The following ANK2 variants were observed in gnomAD, a reference collection of about 807,000 sequenced individuals.
ANK2 encodes ankyrin-2.
Under a neutral mutation model 360.5 loss-of-function variants are expected in ANK2, and 83 were observed. That is an observed-to-expected ratio of 0.23 (90% CI 0.19 to 0.28). The LOEUF is 0.28. Ranked by LOEUF, ANK2 falls within the 10% of genes least tolerant of loss-of-function variation. ANK2 has a pLI of 1.00. For synonymous variants in ANK2, 1,740 were observed against 1,759.5 expected (o/e 0.99, Z 0.28); for missense variants, 4,201 against 4,795.7 (o/e 0.88, Z 3.66).
chr4:112,823,947 A>G (rs1310963744), intron 1 of ANK2, among the ~76,000 whole-genome samples: 1 of 152,230 alleles, frequency 6.6e-6, no homozygotes, highest in Non-Finnish European at 1.5e-5. Flanking sequence ...GGTCCATGGA[A>G]GTTATAGATG....
In ANK2 at chr4:112,924,900, G is replaced by A. The variant is rs566531552; in HGVS notation, c.21+20386G>A. Among the ~76,000 whole-genome samples, 24 of 147,762 alleles carry A rather than the reference G, an allele frequency of 1.6e-4. No individual in the cohort carries two copies. In the South Asian group the frequency reaches 3.4e-3, roughly 21 times the overall value. On this transcript the variant is annotated intron_variant, in intron 2 of 30. Transcript: ENST00000503271. ...GTCGCCCAGGCTGGAGTGCAGTGGC[G>A]CGATCTCAGCTCATTGCAAGCTCCA...
intron 2 of ANK2, among the ~76,000 whole-genome samples, chr4:113,184,152 G>A (rs1312953351): frequency 6.6e-6 from 1 of 151,190 alleles, no homozygotes; most frequent in Admixed American, 6.6e-5. Flanking sequence ...GATATTTAGA[G>A]AACAGATTTA....
chr4:112,795,507 T>A, the ANK2 span, among the ~76,000 whole-genome samples: 1 of 87,004 alleles, frequency 1.1e-5, no homozygotes, highest in South Asian at 4.2e-4. Flanking sequence ...CTAGATTAAA[T>A]TTTTTTTATT....
chr4:113,118,539 A>G (rs536973270), intron 1 of ANK2, among the ~76,000 whole-genome samples: 2 of 152,304 alleles, frequency 1.3e-5, no homozygotes, highest in South Asian at 2.1e-4. Context: ...ATTTCAGTTT[A>G]CTACTTATCT....
At chr4:112,855,098 G>C (rs1162892721) in intron 1 of ANK2, among the ~76,000 whole-genome samples, 3 of 152,136 alleles carry the variant, frequency 2.0e-5, no homozygotes, top group Non-Finnish European at 4.4e-5. Context: ...ACTGTTAATA[G>C]GAGTATTTTT....
At chr4:113,303,526 A>G (rs925488558) in intron 23 of ANK2, among the ~76,000 whole-genome samples, 9 of 152,222 alleles carry the variant, frequency 5.9e-5, no homozygotes, top group Admixed American at 2.0e-4. Flanking sequence ...ACATTGGGCT[A>G]GAGCTGGAGA....
At chr4:113,075,133 G>C (rs867535771) in intron 1 of ANK2, among the ~76,000 whole-genome samples, 3 of 152,134 alleles carry the variant, frequency 2.0e-5, no homozygotes, top group Non-Finnish European at 2.9e-5. Context: ...ACACACTAAA[G>C]TCTGAGAAGC....
chr4:112,842,226 T>C (rs62317067), intron 1 of ANK2, among the ~76,000 whole-genome samples: 14,588 of 152,182 alleles, frequency 0.096, 891 homozygotes, highest in Middle Eastern at 0.14. Context: ...GCCAGTCTTG[T>C]CTCGAAATCC....
the ANK2 span, among the ~76,000 whole-genome samples, chr4:112,710,921 A>G: frequency 7.2e-6 from 1 of 138,866 alleles, no homozygotes; most frequent in African/African-American, 2.8e-5. Flanking sequence ...ATATATATAT[A>G]TATGTATATA....
chr4:112,863,775 G>T (rs1457159269), intron 1 of ANK2, among the ~76,000 whole-genome samples: 1 of 152,038 alleles, frequency 6.6e-6, no homozygotes, highest in African/African-American at 2.4e-5. Flanking sequence ...TCCCGCCTCG[G>T]CCTCCCAAAG....
chr4:113,096,343 T>C (rs763711072), intron 1 of ANK2, among the ~76,000 whole-genome samples: 9 of 152,164 alleles, frequency 5.9e-5, no homozygotes, highest in Non-Finnish European at 8.8e-5. Flanking sequence ...AAGATAGTAG[T>C]TCATTTCTCT....
chr4:112,898,757 T>A (rs1197575346), intron 1 of ANK2, among the ~76,000 whole-genome samples: 8 of 152,170 alleles, frequency 5.3e-5, no homozygotes. Context: ...CTAATGAACA[T>A]AGACGTAAAT....
the ANK2 span, among the ~76,000 whole-genome samples, chr4:112,710,602 G>A: frequency 1.5e-4 from 23 of 151,802 alleles, no homozygotes; most frequent in African/African-American, 5.6e-4. Flanking sequence ...GGAGGCTGAG[G>A]CAGGAGAATA....
intron 1 of ANK2, among the ~76,000 whole-genome samples, chr4:113,122,568 A>C (rs1326563882): frequency 6.6e-6 from 1 of 152,108 alleles, no homozygotes; most frequent in Non-Finnish European, 1.5e-5. Flanking sequence ...CAGAAACCAC[A>C]TTAACATAAA....
intron 1 of ANK2, among the ~76,000 whole-genome samples, chr4:113,099,471 A>G (rs564178256): frequency 1.3e-5 from 2 of 152,130 alleles, no homozygotes; most frequent in East Asian, 1.9e-4. Flanking sequence ...CCACAAAACT[A>G]TAATGAAAGA....
chr4:113,276,800 G>C (rs1463422421), intron 15 of ANK2, among the ~76,000 whole-genome samples: 1 of 152,166 alleles, frequency 6.6e-6, no homozygotes, highest in African/African-American at 2.4e-5. Flanking sequence ...ATTGCTTCTT[G>C]GGGGATATTC....
In ANK2 at chr4:113,203,668, C is replaced by G. The variant is rs975168001; in HGVS notation, c.384+4559C>G. 3.2e-4 allele frequency among the ~76,000 whole-genome samples: 48 copies of G among 152,204 alleles called. 1 individual carries two copies. The highest frequency in any genetic ancestry group is 1.0e-3 in the African/African-American group (43 of 41,540). On this transcript the variant is annotated intron_variant, in intron 4 of 45. Transcript: ENST00000357077. ...ATATTAATAATAATACAGGTAATAA[C>G]ATTGACTGCCAGGCATTGTCTCTAG...
intron 1 of ANK2, among the ~76,000 whole-genome samples, chr4:113,148,449 T>C (rs1352636691): frequency 1.3e-5 from 2 of 152,160 alleles, no homozygotes; most frequent in Non-Finnish European, 2.9e-5. Flanking sequence ...CTCTCAGAGA[T>C]TTTTATTTTA....
intron 1 of ANK2, among the ~76,000 whole-genome samples, chr4:112,894,415 A>G (rs1332074594): frequency 6.6e-6 from 1 of 152,228 alleles, no homozygotes; most frequent in African/African-American, 2.4e-5. Context: ...TGTAGTATAC[A>G]TACATATATA....
Sources: allele counts gnomAD v4.1 joint callset (sites outside exome capture counted in the v4.1 genomes callset), GRCh38; gene constraint gnomAD v4.1.1; transcripts MANE v1.5; gene names NCBI Gene and HGNC (gene_info 2026-07-23, HGNC 2026-07-21).